The following STIMATE variants were observed in gnomAD, a reference collection of about 807,000 sequenced individuals.
STIMATE encodes the protein store-operated calcium entry regulator STIMATE.
Under a neutral mutation model 36.7 loss-of-function variants are expected in STIMATE, and 15 were observed. That is an observed-to-expected ratio of 0.41 (90% CI 0.27 to 0.63). The LOEUF is 0.63. Among genes scored for constraint, STIMATE ranks in the 20% least tolerant of loss-of-function variants. The pLI is 0.32. For missense variants in STIMATE, 305 were observed against 397.3 expected (o/e 0.77, Z 1.98); for synonymous variants, 163 against 162.3 (o/e 1.00, Z -0.03).
At chr3:52,872,286 G>A (rs1024259171) in intron 1 of STIMATE, among the ~76,000 whole-genome samples, 7 of 152,206 alleles carry the variant, frequency 4.6e-5, no homozygotes, top group Admixed American at 2.0e-4. Context: ...GAGGGAGCCT[G>A]GCTCCAAACA....
chr3:52,873,087 T>C (rs1356852986), intron 1 of STIMATE, among the ~76,000 whole-genome samples: 1 of 152,148 alleles, frequency 6.6e-6, no homozygotes, highest in Non-Finnish European at 1.5e-5. Context: ...GGCTGAGAAA[T>C]AAATAACAAA....
intron 4 of STIMATE, among the ~76,000 whole-genome samples, chr3:52,845,928 T>G (rs569258475): frequency 9.2e-5 from 3 of 32,768 alleles, no homozygotes; most frequent in African/African-American, 3.6e-4. Context: ...GGGTAGCATT[T>G]TGGGGGTGGC....
At chr3:52,859,314 T>A (rs1339903464) in intron 1 of STIMATE, among the ~76,000 whole-genome samples, 1 of 150,558 alleles carries the variant, frequency 6.6e-6, no homozygotes, top group African/African-American at 2.4e-5. Flanking sequence ...TTTGAATGGA[T>A]ATACATTTAT....
chr3:52,844,352 G>A (rs192390861), intron 5 of STIMATE, among the ~76,000 whole-genome samples: 183 of 152,292 alleles, frequency 1.2e-3, no homozygotes, highest in African/African-American at 4.1e-3. Flanking sequence ...ATGAGGAGTG[G>A]GGGTTTATCT....
intron 1 of STIMATE, among the ~76,000 whole-genome samples, chr3:52,857,825 C>CTCCAATTGTGCCCCCAT (rs1701136274): frequency 6.6e-6 from 1 of 151,850 alleles, no homozygotes; most frequent in Non-Finnish European, 1.5e-5. Flanking sequence ...TGTGCCCCCA[C>CTCCAATTGTGCCCCCAT]CTCCAAAGTC....
chr3:52,868,852 A>G (rs747177937), intron 1 of STIMATE, among the ~76,000 whole-genome samples: 44 of 152,274 alleles, frequency 2.9e-4, no homozygotes, highest in African/African-American at 1.1e-3. Flanking sequence ...ATTCCTGACC[A>G]TAAGTGATCC....
chr3:52,877,415 T>C (rs1385755011), intron 1 of STIMATE, among the ~76,000 whole-genome samples: 1 of 152,152 alleles, frequency 6.6e-6, no homozygotes, highest in African/African-American at 2.4e-5. Context: ...ACAAACTCCC[T>C]GGACAAACCA....
intron 1 of STIMATE, among the ~76,000 whole-genome samples, chr3:52,864,557 T>G (rs1701271270): frequency 6.6e-6 from 1 of 152,230 alleles, no homozygotes. Context: ...TTGTTACTTA[T>G]GCAAATTTCT....
At chr3:52,842,490 G>A (rs1041198248) in intron 7 of STIMATE, among the ~76,000 whole-genome samples, 11 of 152,172 alleles carry the variant, frequency 7.2e-5, no homozygotes, top group Admixed American at 5.2e-4. Flanking sequence ...GGCCCATGAC[G>A]GTCCTTGCCA....
At chr3:52,886,541 T>C (rs1701689003) in intron 1 of STIMATE, among the ~76,000 whole-genome samples, 1 of 152,230 alleles carries the variant, frequency 6.6e-6, no homozygotes, top group Admixed American at 6.5e-5. Flanking sequence ...TAATGAGTAC[T>C]CTACACATGT....
Position 52,897,468 on chromosome 3 carries a change from G to A in STIMATE, c.-18C>T. On this transcript the variant is annotated 5_prime_UTR_variant, in exon 1 of 8. Transcript: ENST00000355083. The stretch of plus-strand genomic sequence containing the variant: ...CCCTGCATGACAGGCCTCGCGGGAG[G>A]GGCGCGAGGGCCCAGGGCCCGCCCG... 2.3e-6 allele frequency: 3 copies of A among 1,284,990 alleles called. No individual in the cohort carries two copies. The highest frequency in any genetic ancestry group is 2.9e-6 in the Non-Finnish European group (3 of 1,018,704). 79.6% of individuals were successfully genotyped at this position (1,284,990 alleles called of 1,614,324 possible).
intron 1 of STIMATE, among the ~76,000 whole-genome samples, chr3:52,893,047 A>G (rs1383402350): frequency 7.3e-5 from 8 of 110,246 alleles, no homozygotes; most frequent in South Asian, 2.4e-4. Flanking sequence ...AGAAACATTG[A>G]AAAAAAAAAA....
In STIMATE at chr3:52,837,970, A is replaced by C. The variant is rs1418776671; in HGVS notation, c.*2524T>G. The stretch of plus-strand genomic sequence containing the variant: ...GCAGGAGGCACTCCTGGGGATACAG[A>C]TTTGTGTGTGTACATGTGTGTGCAC... On this transcript the variant is annotated 3_prime_UTR_variant, in exon 8 of 8. Coordinates refer to ENST00000355083, the MANE Select transcript of STIMATE (RefSeq NM_198563.5). 2.1e-5 allele frequency: 3 copies of C among 140,882 alleles called. No homozygotes were observed. The highest frequency in any genetic ancestry group is 7.3e-5 in the Admixed American group (1 of 13,704). The allele number at this position is 140,882 out of a possible 1,614,324, so 8.7% of individuals were successfully genotyped here.
intron 3 of STIMATE, among the ~76,000 whole-genome samples, chr3:52,851,061 G>C (rs1214802497): frequency 6.6e-6 from 1 of 152,212 alleles, no homozygotes; most frequent in Non-Finnish European, 1.5e-5. Context: ...ACTCCCCATG[G>C]GAAAAGGCAA....
chr3:52,891,121 A>G (rs1701775505), intron 1 of STIMATE, among the ~76,000 whole-genome samples: 1 of 152,208 alleles, frequency 6.6e-6, no homozygotes, highest in African/African-American at 2.4e-5. Flanking sequence ...GAAAATCAGA[A>G]TTGTTCAGAT....
chr3:52,885,012 C>T (rs564918343), intron 1 of STIMATE, among the ~76,000 whole-genome samples: 101 of 152,240 alleles, frequency 6.6e-4, no homozygotes, highest in African/African-American at 1.8e-3. Flanking sequence ...AGTGGTTGTA[C>T]CATTTTGCAT....
rs1255386442 is a variant in STIMATE, at chr3:52,842,793, G to C, written c.768+18C>G. The C allele has an allele frequency of 1.2e-6, 2 of 1,613,930 alleles. No individual in the cohort carries two copies. Among genetic ancestry groups the C allele is most frequent in the Non-Finnish European group, 1.7e-6 (2 of 1,179,998 alleles). On this transcript the variant is annotated intron_variant, in intron 7 of 7. Transcript: ENST00000355083. ...CGATACGACGGCTTGGGCCCTTGGAGAGTCAGGGAGGCCCTACCTCAGACT... is the reference window on the plus strand; with the variant it reads ...CGATACGACGGCTTGGGCCCTTGGACAGTCAGGGAGGCCCTACCTCAGACT...
intron 1 of STIMATE, among the ~76,000 whole-genome samples, chr3:52,886,614 A>G (rs1701690043): frequency 1.3e-5 from 2 of 152,220 alleles, no homozygotes; most frequent in Non-Finnish European, 2.9e-5. Context: ...TTCACTCTGT[A>G]TTTGTGGCTC....
chr3:52,877,169 T>A (rs1701514666), intron 1 of STIMATE, among the ~76,000 whole-genome samples: 1 of 152,190 alleles, frequency 6.6e-6, no homozygotes, highest in African/African-American at 2.4e-5. Context: ...CAGCTCACGC[T>A]TTTGGGCAAC....
Sources: gnomAD v4.1 joint callset for allele counts (sites outside exome capture counted in the v4.1 genomes callset) on GRCh38, gnomAD v4.1.1 for gene constraint, MANE v1.5 for transcripts, NCBI Gene and HGNC (gene_info 2026-07-23, HGNC 2026-07-21) for gene names.